The following PDE8B variants were observed in gnomAD, a reference collection of about 807,000 sequenced individuals.
PDE8B encodes the protein high affinity cAMP-specific and IBMX-insensitive 3',5'-cyclic phosphodiesterase 8B.
PDE8B carries 26 observed loss-of-function variants against 101.3 expected under a neutral mutation model. The ratio of observed to expected loss-of-function variants is 0.26; its 90% confidence interval spans 0.19 to 0.36. The LOEUF (loss-of-function observed/expected upper bound fraction) is 0.36. PDE8B is among the 10% of genes least tolerant of loss of function. PDE8B has a pLI of 1.00. For synonymous variants in PDE8B, 424 were observed against 429.3 expected (o/e 0.99, Z 0.15); for missense variants, 810 against 1,163.1 (o/e 0.70, Z 4.42).
chr5:77,397,997 C>T (rs1791433424), intron 10 of PDE8B, among the ~76,000 whole-genome samples: 1 of 151,964 alleles, frequency 6.6e-6, no homozygotes, highest in Non-Finnish European at 1.5e-5. Flanking sequence ...TGTCTGCTTA[C>T]TACCCTTGGG....
At chr5:77,118,568 C>T in the PDE8B span, 1 of 394,164 alleles carries the variant, frequency 2.5e-6, no homozygotes, top group Non-Finnish European at 4.5e-6. Context: ...CTGCTTATTT[C>T]TCAGATCAGT....
At chr5:77,121,472 G>A in the PDE8B span, among the ~76,000 whole-genome samples, 17,487 of 150,782 alleles carry the variant, frequency 0.12, 1,083 homozygotes, top group East Asian at 0.16. Flanking sequence ...GAATCACTAG[G>A]TACATTTCAC....
At chr5:77,375,799 TA>T (rs1344136220) in intron 10 of PDE8B, among the ~76,000 whole-genome samples, 2 of 151,898 alleles carry the variant, frequency 1.3e-5, no homozygotes, top group Admixed American at 6.6e-5. Context: ...ACATATACTT[TA>T]AAAAAATTAT....
intron 12 of PDE8B, among the ~76,000 whole-genome samples, chr5:77,405,907 G>A (rs1412119003): frequency 1.3e-5 from 2 of 152,144 alleles, no homozygotes; most frequent in Non-Finnish European, 2.9e-5. Flanking sequence ...AGAGAGATGA[G>A]GCTGGTAACT....
At chr5:77,358,747 G>A (rs1033188524) in intron 10 of PDE8B, among the ~76,000 whole-genome samples, 1 of 152,040 alleles carries the variant, frequency 6.6e-6, no homozygotes, top group Non-Finnish European at 1.5e-5. Flanking sequence ...TTTAAAAATT[G>A]GAGAAAAAGG....
At chr5:77,401,210 A>G (rs1792188379) in intron 11 of PDE8B, among the ~76,000 whole-genome samples, 1 of 152,218 alleles carries the variant, frequency 6.6e-6, no homozygotes, top group African/African-American at 2.4e-5. Context: ...CTTTCTAGAC[A>G]TGAACAGGCT....
At chr5:77,346,441 G>A (rs529362567) in intron 7 of PDE8B, among the ~76,000 whole-genome samples, 7 of 152,214 alleles carry the variant, frequency 4.6e-5, no homozygotes, top group Non-Finnish European at 1.0e-4. Context: ...GAGGAGAAGG[G>A]GCTCCCTGCC....
intron 1 of PDE8B, among the ~76,000 whole-genome samples, chr5:77,263,478 G>C (rs1761045387): frequency 6.6e-6 from 1 of 152,120 alleles, no homozygotes; most frequent in South Asian, 2.1e-4. Flanking sequence ...AATCTGATAA[G>C]TACTTTTTCA....
chr5:77,243,762 G>A (rs1200135058), intron 1 of PDE8B, among the ~76,000 whole-genome samples: 5 of 152,064 alleles, frequency 3.3e-5, no homozygotes, highest in African/African-American at 1.2e-4. Context: ...TGGACATTTT[G>A]GTGATTTTTA....
chr5:77,378,050 C>CACA (rs1297659516), intron 10 of PDE8B, among the ~76,000 whole-genome samples: 253 of 110,262 alleles, frequency 2.3e-3, no homozygotes, highest in African/African-American at 0.011. Flanking sequence ...ACACACACAC[C>CACA]CCCTGTTGGT....
At chr5:77,115,233 C>T in the PDE8B span, 1 of 152,076 alleles carries the variant, frequency 6.6e-6, no homozygotes, top group African/African-American at 2.4e-5. Context: ...TTAGTTTACC[C>T]CCATTTCTTT....
chr5:77,219,357 T>C (rs1335088931), intron 1 of PDE8B, among the ~76,000 whole-genome samples: 1 of 152,222 alleles, frequency 6.6e-6, no homozygotes, highest in Non-Finnish European at 1.5e-5. Flanking sequence ...GGGACCCAGT[T>C]GCCTGTGTGA....
At chr5:77,409,674 C>T (rs1794158910) in intron 14 of PDE8B, among the ~76,000 whole-genome samples, 1 of 151,910 alleles carries the variant, frequency 6.6e-6, no homozygotes, top group Non-Finnish European at 1.5e-5. Context: ...TTGCTGTGAT[C>T]TATTTGGCTT....
At chr5:77,297,981 T>C (rs961360197) in intron 1 of PDE8B, among the ~76,000 whole-genome samples, 2 of 152,220 alleles carry the variant, frequency 1.3e-5, no homozygotes, top group East Asian at 3.8e-4. Flanking sequence ...CACTCCTGTC[T>C]TCAGACTGTG....
chr5:77,267,795 G>C (rs537557228), intron 1 of PDE8B, among the ~76,000 whole-genome samples: 1 of 152,312 alleles, frequency 6.6e-6, no homozygotes, highest in South Asian at 2.1e-4. Flanking sequence ...TATGGTATGC[G>C]AAGTGATTAC....
intron 1 of PDE8B, among the ~76,000 whole-genome samples, chr5:77,287,431 T>C (rs1355204520): frequency 6.6e-6 from 1 of 152,126 alleles, no homozygotes; most frequent in South Asian, 2.1e-4. Context: ...CTTAGGTATT[T>C]TTTTTTCTTC....
intron 11 of PDE8B, among the ~76,000 whole-genome samples, chr5:77,404,344 C>T (rs1047892263): frequency 2.0e-4 from 31 of 151,874 alleles, no homozygotes; most frequent in African/African-American, 6.8e-4. Context: ...AGGCTGGTCT[C>T]GAAACCTGAC....
chr5:77,221,698 G>A (rs1751131494), intron 1 of PDE8B, among the ~76,000 whole-genome samples: 1 of 152,132 alleles, frequency 6.6e-6, no homozygotes. Flanking sequence ...ATTCTCCTAA[G>A]GTGACAGGAG....
At chr5:77,355,064 G>A (rs543809177) in intron 10 of PDE8B, among the ~76,000 whole-genome samples, 5 of 152,316 alleles carry the variant, frequency 3.3e-5, no homozygotes, top group South Asian at 4.1e-4. Context: ...GGTGGCTAGC[G>A]TTAATGAAAC....
Sources: gnomAD v4.1 joint callset for allele counts (sites outside exome capture counted in the v4.1 genomes callset) on GRCh38, gnomAD v4.1.1 for gene constraint, MANE v1.5 for transcripts, NCBI Gene and HGNC (gene_info 2026-07-23, HGNC 2026-07-21) for gene names.